Variants in GAD2 observed in about 807,000 individuals in gnomAD.
GAD2 encodes 65 kDa glutamic acid decarboxylase.
In GAD2, 22 loss-of-function variants were observed where a neutral mutation model predicts 80.1. The ratio of observed to expected loss-of-function variants is 0.27; its 90% CI spans 0.20 to 0.39. The LOEUF (loss-of-function observed/expected upper bound fraction) is 0.39. Among genes scored for constraint, GAD2 ranks in the 10% least tolerant of loss-of-function variants. The pLI is 1.00. For missense variants in GAD2, 624 were observed against 738.4 expected (o/e 0.85, Z 1.80); for synonymous variants, 274 against 256.9 (o/e 1.07, Z -0.64).
intron 7 of GAD2, among the ~76,000 whole-genome samples, chr10:26,231,230 C>T (rs1844597828): frequency 6.6e-6 from 1 of 152,148 alleles, no homozygotes; most frequent in Admixed American, 6.5e-5. Context: ...GAGGAAGGGC[C>T]TAGAGGGAGA....
intron 7 of GAD2, among the ~76,000 whole-genome samples, chr10:26,240,459 TA>T (rs1844726132): frequency 6.6e-6 from 1 of 152,188 alleles, no homozygotes; most frequent in South Asian, 2.1e-4. Flanking sequence ...TACCTACATA[TA>T]TTTTTTTAAT....
chr10:26,256,709 T>A (rs1469573732), intron 8 of GAD2, among the ~76,000 whole-genome samples: 1 of 152,254 alleles, frequency 6.6e-6, no homozygotes, highest in African/African-American at 2.4e-5. Context: ...CTTGAGTGCA[T>A]CTCATCTGGA....
chr10:26,230,241 A>AAGGGAAGGGGAAGAGG (rs899289395), intron 7 of GAD2, among the ~76,000 whole-genome samples: 5 of 152,190 alleles, frequency 3.3e-5, no homozygotes, highest in Admixed American at 1.3e-4. Context: ...GTTGCATATT[A>AAGGGAAGGGGAAGAGG]AGGGAAGGGG....
chr10:26,295,403 G>T (rs1400544893), intron 15 of GAD2, among the ~76,000 whole-genome samples: 4 of 151,982 alleles, frequency 2.6e-5, no homozygotes, highest in African/African-American at 9.7e-5. Flanking sequence ...TTTAACTTTT[G>T]TTCACGTATG....
At position 26,270,693 on chromosome 10, in the gene GAD2, A is replaced by G; in HGVS notation, c.1029A>G (p.Ala343=). 2.5e-6 allele frequency: 4 copies of G among 1,614,176 alleles called. No homozygotes were observed. Among genetic ancestry groups the G allele is most frequent in the Non-Finnish European group, 3.4e-6 (4 of 1,180,000 alleles). Reference sequence around the variant, plus strand: ...CAGCTGGAACCACCGTGTACGGAGCATTTGACCCCCTCTTAGCTGTCGCTG... The same window carrying G: ...CAGCTGGAACCACCGTGTACGGAGCGTTTGACCCCCTCTTAGCTGTCGCTG... The part of the protein sequence containing the change: ...SATAGTTVYG[A]FDPLLAVADI... Residue 343 remains alanine (A), a synonymous_variant, in exon 10 of 16, where the codon GCA becomes GCG. Transcript: ENST00000376261.
chr10:26,276,727 A>G (rs946991329), intron 11 of GAD2, among the ~76,000 whole-genome samples: 2 of 152,098 alleles, frequency 1.3e-5, no homozygotes, highest in African/African-American at 4.8e-5. Context: ...TCTCCTGCCC[A>G]CAGGCTGCTG....
At chr10:26,243,735 G>C (rs1387722192) in intron 7 of GAD2, among the ~76,000 whole-genome samples, 3 of 152,236 alleles carry the variant, frequency 2.0e-5, no homozygotes, top group Non-Finnish European at 4.4e-5. Context: ...CTTGGCAGTT[G>C]CCTGTGCAAC....
At chr10:26,261,650 A>G (rs1564665433) in intron 8 of GAD2, among the ~76,000 whole-genome samples, 1 of 152,190 alleles carries the variant, frequency 6.6e-6, no homozygotes, top group Non-Finnish European at 1.5e-5. Flanking sequence ...AAATGTATTT[A>G]GGCTTTTGCA....
In GAD2 at chr10:26,297,175, C is replaced by T. The variant is rs548923587; in HGVS notation, c.1585-3613C>T. Among the ~76,000 whole-genome samples the T allele has an allele frequency of 2.6e-4, 40 of 152,248 alleles. No homozygotes were observed. In the South Asian group the frequency reaches 4.6e-3, roughly 17 times the overall value. ...CGCCTGACCTTAAGTGATCGGCTCA[C>T]CTCGGCCTCCCAAAGTGCTGGGATT... On this transcript the variant is annotated intron_variant, in intron 15 of 15. Coordinates refer to ENST00000376261, the MANE Select transcript of GAD2 (RefSeq NM_001134366.2).
intron 12 of GAD2, among the ~76,000 whole-genome samples, chr10:26,284,377 A>G (rs1175534611): frequency 6.6e-6 from 1 of 152,174 alleles, no homozygotes; most frequent in Non-Finnish European, 1.5e-5. Context: ...TTATTTGAGC[A>G]CGGGAATCTC....
intron 7 of GAD2, among the ~76,000 whole-genome samples, chr10:26,235,412 A>G (rs1844659470): frequency 6.6e-6 from 1 of 152,078 alleles, no homozygotes; most frequent in African/African-American, 2.4e-5. Context: ...CACCCCACCA[A>G]AGCTACCCAC....
At chr10:26,268,126 G>A (rs1013696750) in intron 8 of GAD2, among the ~76,000 whole-genome samples, 2 of 152,196 alleles carry the variant, frequency 1.3e-5, no homozygotes, top group Admixed American at 1.3e-4. Context: ...TGACCCTGAT[G>A]CAAAGTTGGC....
intron 11 of GAD2, among the ~76,000 whole-genome samples, chr10:26,276,486 A>G (rs905238058): frequency 6.6e-6 from 1 of 152,032 alleles, no homozygotes; most frequent in Admixed American, 6.6e-5. Flanking sequence ...GGTTCAAGCA[A>G]TTCTCCTGCC....
intron 8 of GAD2, among the ~76,000 whole-genome samples, chr10:26,256,091 G>A (rs1589145754): frequency 6.6e-6 from 1 of 152,094 alleles, no homozygotes; most frequent in South Asian, 2.1e-4. Flanking sequence ...TGCAGGAATA[G>A]TAAAAAGAAT....
chr10:26,264,718 G>A (rs1341846219), intron 8 of GAD2, among the ~76,000 whole-genome samples: 2 of 152,170 alleles, frequency 1.3e-5, no homozygotes, highest in Non-Finnish European at 2.9e-5. Context: ...GGAGGAGCAG[G>A]GATCGCACAG....
chr10:26,254,971 A>G (rs543016169), intron 8 of GAD2, among the ~76,000 whole-genome samples: 2 of 152,372 alleles, frequency 1.3e-5, no homozygotes, highest in East Asian at 3.9e-4. Context: ...GAGGTGAACC[A>G]TTCAGATTTG....
chr10:26,273,498 A>C, intron 10 of GAD2, 138 bp from the exon 11 acceptor site: 2 of 709,920 alleles, frequency 2.8e-6, no homozygotes, highest in East Asian at 5.4e-5. Flanking sequence ...GTAAACTCTG[A>C]AGGTTAGTGC....
intron 7 of GAD2, among the ~76,000 whole-genome samples, chr10:26,233,317 G>A (rs144341145): frequency 3.9e-4 from 59 of 152,306 alleles, no homozygotes; most frequent in African/African-American, 1.4e-3. Flanking sequence ...CCCTGATCAA[G>A]TTTCCACCAG....
intron 4 of GAD2, among the ~76,000 whole-genome samples, chr10:26,219,925 A>G (rs1349583228): frequency 2.0e-5 from 3 of 152,190 alleles, no homozygotes; most frequent in African/African-American, 7.2e-5. Context: ...TGAGATAAAG[A>G]AAAAGGGGGG....
Sources: gnomAD v4.1 joint callset for allele counts (sites outside exome capture counted in the v4.1 genomes callset) on GRCh38, gnomAD v4.1.1 for gene constraint, MANE v1.5 for transcripts, NCBI Gene and HGNC (gene_info 2026-07-23, HGNC 2026-07-21) for gene names.